SRBD1: variants seen among roughly 807,000 people sequenced by gnomAD.
SRBD1 encodes S1 RNA binding domain 1.
SRBD1 carries 88 observed loss-of-function variants against 115.3 expected under a neutral mutation model. The ratio of observed to expected loss-of-function variants is 0.76; its 90% CI spans 0.64 to 0.91. The LOEUF (loss-of-function observed/expected upper bound fraction) is 0.91, where lower values mean the gene tolerates loss of function less well. Ranked by LOEUF, SRBD1 falls within the 40% of genes least tolerant of loss-of-function variation. The probability of loss-of-function intolerance (pLI) is 0.00; values close to 1 mark genes in which losing one functional copy is unlikely to be tolerated. For missense variants in SRBD1, 1,385 were observed against 1,177.4 expected (o/e 1.18, Z -2.58); for synonymous variants, 509 against 407.7 (o/e 1.25, Z -2.99).
chr2:45,488,125 T>C (rs1670175654), intron 15 of SRBD1, 115 bp downstream of exon 15: 2 of 792,906 alleles, frequency 2.5e-6, no homozygotes, highest in Non-Finnish European at 4.1e-6. Flanking sequence ...TGCCAATTCT[T>C]ATGCATGTAG....
intron 14 of SRBD1, among the ~76,000 whole-genome samples, chr2:45,528,438 T>G (rs1289556653): frequency 6.6e-6 from 1 of 151,710 alleles, no homozygotes; most frequent in African/African-American, 2.4e-5. Context: ...AATCAAAGAG[T>G]ACAAACATTG....
chr2:45,530,853 A>C (rs1201448315), intron 14 of SRBD1, among the ~76,000 whole-genome samples: 3 of 151,992 alleles, frequency 2.0e-5, no homozygotes, highest in Non-Finnish European at 4.4e-5. Flanking sequence ...ATGGTGGAGC[A>C]CATCTATAAT....
At chr2:45,462,958 G>C (rs919846236) in intron 16 of SRBD1, among the ~76,000 whole-genome samples, 1 of 144,016 alleles carries the variant, frequency 6.9e-6, no homozygotes, top group African/African-American at 2.5e-5. Flanking sequence ...CATTCTACAC[G>C]AATCCAGGAT....
chr2:45,445,815 C>T (rs1668807020), intron 16 of SRBD1, among the ~76,000 whole-genome samples: 1 of 152,106 alleles, frequency 6.6e-6, no homozygotes, highest in Non-Finnish European at 1.5e-5. Context: ...TCAAGTTCTA[C>T]AATTTTTCCC....
At chr2:45,499,865 T>C (rs1670573455) in intron 14 of SRBD1, among the ~76,000 whole-genome samples, 1 of 152,178 alleles carries the variant, frequency 6.6e-6, no homozygotes, top group Non-Finnish European at 1.5e-5. Context: ...TGTCTGTTTT[T>C]ATGCCAGTAT....
intron 14 of SRBD1, among the ~76,000 whole-genome samples, chr2:45,544,876 T>C (rs924960994): frequency 1.3e-5 from 2 of 152,160 alleles, no homozygotes; most frequent in Non-Finnish European, 2.9e-5. Flanking sequence ...TTTAATACTG[T>C]TAAAAAACCT....
At chr2:45,553,877 G>A (rs963239135) in intron 10 of SRBD1, 147 bp from the exon 11 acceptor site, 4 of 440,616 alleles carry the variant, frequency 9.1e-6, no homozygotes, top group Non-Finnish European at 1.2e-5. Flanking sequence ...AAAGGCTGTG[G>A]TATCTGAAAA....
At chr2:45,457,219 T>C (rs1240290674) in intron 16 of SRBD1, among the ~76,000 whole-genome samples, 1 of 152,036 alleles carries the variant, frequency 6.6e-6, no homozygotes, top group Non-Finnish European at 1.5e-5. Flanking sequence ...ACACATCTTT[T>C]ATTTATAACT....
chr2:45,541,765 A>G (rs1348713437), intron 14 of SRBD1, among the ~76,000 whole-genome samples: 1 of 152,234 alleles, frequency 6.6e-6, no homozygotes, highest in East Asian at 1.9e-4. Context: ...CTCTCAGCAG[A>G]GAGCAGACCC....
Position 45,410,809 on chromosome 2 carries a change from C to T in SRBD1, c.2513+2305G>A, listed in dbSNP as rs139920084. The stretch of plus-strand genomic sequence containing the variant: ...CTAAAAACCCAAAAGGCCTGGGTTC[C>T]AATGAGCTTCTAGATAGCTCAACAC... On this transcript the variant is annotated intron_variant, in intron 19 of 20. Coordinates refer to ENST00000263736, the MANE Select transcript of SRBD1 (RefSeq NM_018079.5). 5.1e-3 allele frequency among the ~76,000 whole-genome samples: 778 copies of T among 152,298 alleles called. 2 individuals are homozygous for T. The highest frequency in any genetic ancestry group is 0.011 in the African/African-American group (447 of 41,554).
At chr2:45,413,408 G>C (rs1572609490) in intron 18 of SRBD1, 115 bp from the exon 19 acceptor site, 1 of 1,209,992 alleles carries the variant, frequency 8.3e-7, no homozygotes, top group South Asian at 1.6e-5. Context: ...ACAGCAACCA[G>C]ATTTTGACCT....
intron 10 of SRBD1, 101 bp downstream of exon 10, chr2:45,562,552 T>A (rs1372792995): frequency 1.1e-6 from 1 of 940,708 alleles, no homozygotes; most frequent in Non-Finnish European, 1.5e-6. Context: ...TTTTTAAAAA[T>A]GTTCACGTAA....
intron 4 of SRBD1, among the ~76,000 whole-genome samples, chr2:45,597,846 A>T (rs534753646): frequency 4.0e-4 from 61 of 152,334 alleles, no homozygotes; most frequent in Non-Finnish European, 8.2e-4. Context: ...CCTGTAACAG[A>T]GGGTGGGAAG....
chr2:45,568,392 C>T (rs1375554313), intron 9 of SRBD1, among the ~76,000 whole-genome samples: 1 of 152,106 alleles, frequency 6.6e-6, no homozygotes, highest in African/African-American at 2.4e-5. Context: ...TACATAAAGG[C>T]TGAAAAGTAA....
chr2:45,586,665 C>G (rs1673532866), intron 4 of SRBD1, among the ~76,000 whole-genome samples: 1 of 151,674 alleles, frequency 6.6e-6, no homozygotes, highest in Non-Finnish European at 1.5e-5. Context: ...CCAGCCTCAG[C>G]CTCCAAATAG....
At position 45,389,541 on chromosome 2, in the gene SRBD1, C is replaced by G; in HGVS notation, c.2757G>C (p.Gly919=). ...SIVCLEDLQI[G]TVLTGKVENA... ...TCTCAACTTTGCCTGTAAGAACTGT[C>G]CCAATCTGCAGATCTTCCAGGCATA... Residue 919 remains glycine, a synonymous_variant, in exon 21 of 21, where the codon GGG becomes GGC. Coordinates refer to ENST00000263736, the MANE Select transcript of SRBD1 (RefSeq NM_018079.5). 1 of 1,614,044 alleles carries G rather than the reference C, an allele frequency of 6.2e-7. No homozygotes were observed. Among genetic ancestry groups the G allele is most frequent in the Non-Finnish European group, 8.5e-7 (1 of 1,179,942 alleles).
chr2:45,391,702 T>A (rs539050894), intron 20 of SRBD1, among the ~76,000 whole-genome samples: 1 of 152,292 alleles, frequency 6.6e-6, no homozygotes, highest in South Asian at 2.1e-4. Flanking sequence ...CCCAGATGCA[T>A]CTGTCTTTTT....
intron 14 of SRBD1, among the ~76,000 whole-genome samples, chr2:45,526,127 T>C (rs558805788): frequency 6.6e-6 from 1 of 152,002 alleles, no homozygotes; most frequent in East Asian, 1.9e-4. Context: ...AATGAGCCCA[T>C]ATGTCCACAC....
chr2:45,435,129 T>G (rs1388995015), intron 16 of SRBD1, among the ~76,000 whole-genome samples: 2 of 152,152 alleles, frequency 1.3e-5, no homozygotes, highest in Admixed American at 1.3e-4. Context: ...ATGCTTAGTA[T>G]TCCATGGCGT....
Sources: allele counts gnomAD v4.1 joint callset (sites outside exome capture counted in the v4.1 genomes callset), GRCh38; gene constraint gnomAD v4.1.1; transcripts MANE v1.5; gene names NCBI Gene and HGNC (gene_info 2026-07-23, HGNC 2026-07-21).